PCDHA1: variants seen among roughly 807,000 people sequenced by gnomAD.
The protein encoded by PCDHA1 is protocadherin alpha-1.
A neutral mutation model predicts 61.3 loss-of-function variants in PCDHA1; 42 were observed. That is an observed-to-expected ratio of 0.69 (90% CI 0.54 to 0.89). The LOEUF (loss-of-function observed/expected upper bound fraction) is 0.89, where lower values mean the gene tolerates loss of function less well. PCDHA1 is among the 40% of genes least tolerant of loss of function. The pLI is 0.00. For synonymous variants in PCDHA1, 610 were observed against 553.8 expected (o/e 1.10, Z -1.43); for missense variants, 1,256 against 1,235.3 (o/e 1.02, Z -0.25).
intron 1 of PCDHA1, chr5:140,968,375 T>G: frequency 6.2e-7 from 1 of 1,614,098 alleles, no homozygotes; most frequent in Non-Finnish European, 8.5e-7. Context: ...TGTCAACTCC[T>G]TTGACTATGA....
intron 1 of PCDHA1, among the ~76,000 whole-genome samples, chr5:140,947,689 G>A (rs1276078725): frequency 2.0e-5 from 3 of 151,490 alleles, no homozygotes; most frequent in African/African-American, 4.8e-5. Context: ...GTCTCAGCAT[G>A]TTCTGTAGTT....
chr5:140,967,368 A>G (rs2096133589), intron 1 of PCDHA1: 1 of 1,607,738 alleles, frequency 6.2e-7, no homozygotes, highest in Non-Finnish European at 8.5e-7. Flanking sequence ...AAGCCCCTGC[A>G]GGAGAACAGT....
chr5:140,835,137 C>T, intron 1 of PCDHA1: 3 of 1,385,246 alleles, frequency 2.2e-6, no homozygotes, highest in South Asian at 2.7e-5. Context: ...GGTGAAATTA[C>T]CAGAAAACGT....
intron 1 of PCDHA1, chr5:140,842,497 T>A: frequency 6.2e-7 from 1 of 1,613,888 alleles, no homozygotes; most frequent in East Asian, 2.2e-5. Context: ...TGATGCCCCA[T>A]GTCCCCTTCA....
chr5:140,851,487 C>T (rs1273932978), intron 1 of PCDHA1: 42 of 889,088 alleles, frequency 4.7e-5, no homozygotes, highest in Non-Finnish European at 5.1e-5. Context: ...TAAACACAGC[C>T]TTCATTTCAA....
intron 1 of PCDHA1, chr5:140,803,151 A>G (rs1763129219): frequency 6.2e-7 from 1 of 1,613,848 alleles, no homozygotes; most frequent in Non-Finnish European, 8.5e-7. Flanking sequence ...GGTGCTGGTG[A>G]AGGACCACGG....
intron 1 of PCDHA1, chr5:140,884,455 G>A: frequency 2.5e-6 from 4 of 1,613,784 alleles, no homozygotes; most frequent in Non-Finnish European, 3.4e-6. Flanking sequence ...CGCCCACCGA[G>A]GGCGCGTGCG....
At chr5:140,807,803 C>T (rs1554124282) in intron 1 of PCDHA1, 1 of 1,614,124 alleles carries the variant, frequency 6.2e-7, no homozygotes, top group East Asian at 2.2e-5. Context: ...AGAAGAAGCT[C>T]CGGAGATTTT....
At chr5:140,895,835 A>G (rs782780692) in intron 1 of PCDHA1, among the ~76,000 whole-genome samples, 3 of 152,096 alleles carry the variant, frequency 2.0e-5, no homozygotes, top group Non-Finnish European at 4.4e-5. Context: ...TTTTCAGACA[A>G]AGTCTCACTC....
intron 1 of PCDHA1, chr5:140,836,766 C>A (rs2150269669): frequency 6.4e-7 from 1 of 1,562,092 alleles, no homozygotes; most frequent in South Asian, 1.2e-5. Flanking sequence ...TTGTTTCCAA[C>A]AATTTTAAAA....
intron 1 of PCDHA1, among the ~76,000 whole-genome samples, chr5:140,941,213 TCC>T (rs1491191685): frequency 2.4e-4 from 26 of 106,900 alleles, no homozygotes; most frequent in African/African-American, 9.0e-4. Context: ...CTTTCTTTCT[TCC>T]TTTCTTTCTT....
At chr5:140,876,630 C>T in intron 1 of PCDHA1, 2 of 1,614,226 alleles carry the variant, frequency 1.2e-6, no homozygotes, top group Non-Finnish European at 1.7e-6. Context: ...GACAGGTCAT[C>T]TGCTCACTGA....
intron 1 of PCDHA1, chr5:140,829,967 C>G: frequency 6.2e-7 from 1 of 1,613,994 alleles, no homozygotes; most frequent in Non-Finnish European, 8.5e-7. Flanking sequence ...TCGCGTGGGG[C>G]TGTACACGGG....
chr5:140,803,384 A>C (rs782777686), intron 1 of PCDHA1: 1 of 1,614,208 alleles, frequency 6.2e-7, no homozygotes, highest in Non-Finnish European at 8.5e-7. Context: ...CGCCAACCGA[A>C]GGCGACTGTG....
chr5:140,840,466 GA>G (rs1437406767), intron 1 of PCDHA1, among the ~76,000 whole-genome samples: 3 of 151,870 alleles, frequency 2.0e-5, no homozygotes, highest in Non-Finnish European at 2.9e-5. Context: ...AAAAGTTGGG[GA>G]AAAAAGTTTA....
rs2150484404 is a variant in PCDHA1, at chr5:140,850,437, C to T, written c.2394+61753C>T. 6.3e-6 allele frequency: 10 copies of T among 1,597,794 alleles called. 1 individual carries two copies. Among genetic ancestry groups the T allele is most frequent in the African/African-American group, 1.3e-5 (1 of 74,284 alleles). ...AACGGACGCACCGCGCCAGCGCCTA[C>T]TGGTGCTGGTGAAAGACCACGGGGA... On this transcript the variant is annotated intron_variant, in intron 1 of 3. Transcript: ENST00000504120.
At chr5:140,877,116 C>T in intron 1 of PCDHA1, 4 of 1,613,672 alleles carry the variant, frequency 2.5e-6, no homozygotes, top group Non-Finnish European at 2.5e-6. Context: ...TGGGCAGCAA[C>T]GTGACGCTGC....
chr5:140,839,348 C>T (rs1169495431), intron 1 of PCDHA1, among the ~76,000 whole-genome samples: 2 of 148,576 alleles, frequency 1.3e-5, no homozygotes, highest in African/African-American at 2.5e-5. Flanking sequence ...AGGGGATCCT[C>T]CTTAGCCACC....
At chr5:140,797,749 G>C (rs1762259161) in intron 1 of PCDHA1, among the ~76,000 whole-genome samples, 1 of 152,178 alleles carries the variant, frequency 6.6e-6, no homozygotes, top group Non-Finnish European at 1.5e-5. Flanking sequence ...TATCCAATCT[G>C]TCGGATAGTG....
Sources: gnomAD v4.1 joint callset for allele counts (sites outside exome capture counted in the v4.1 genomes callset) on GRCh38, gnomAD v4.1.1 for gene constraint, MANE v1.5 for transcripts, NCBI Gene and HGNC (gene_info 2026-07-23, HGNC 2026-07-21) for gene names.